Variants in CHID1 observed in about 807,000 individuals in gnomAD.
CHID1 encodes the protein chitinase domain containing 1, also known as chitinase domain-containing protein 1.
CHID1 carries 44 observed loss-of-function variants against 55.4 expected under a neutral mutation model. The ratio of observed to expected loss-of-function variants is 0.79; its 90% CI spans 0.62 to 1.02. CHID1 has a LOEUF of 1.02. Ranked by LOEUF, CHID1 falls within the 50% of genes least tolerant of loss-of-function variation. The probability of loss-of-function intolerance (pLI) is 0.00; values close to 1 mark genes in which losing one functional copy is unlikely to be tolerated. For missense variants in CHID1, 491 were observed against 515.3 expected, an observed-to-expected ratio of 0.95 and a Z score of 0.46; for synonymous variants, 216 against 212.9, an observed-to-expected ratio of 1.01 and a Z score of -0.13.
intron 3 of CHID1, 47 bp from the exon 4 acceptor site, chr11:902,377 C>A: frequency 6.3e-7 from 1 of 1,594,882 alleles, no homozygotes; most frequent in Non-Finnish European, 8.6e-7. Context: ...GAGTGAGCAC[C>A]TGTCTCACCA....
chr11:874,988 G>A (rs1849407258), intron 10 of CHID1: 1 of 152,306 alleles, frequency 6.6e-6, no homozygotes, highest in South Asian at 2.1e-4. Flanking sequence ...GGACCCCTCA[G>A]GAGCCCCCAC....
intron 10 of CHID1, among the ~76,000 whole-genome samples, chr11:881,602 T>C (rs28459291): frequency 0.05 from 24 of 476 alleles, 2 homozygotes; most frequent in African/African-American, 0.12. Flanking sequence ...GGGCGGTAGG[T>C]TGGGTGGTGA....
At chr11:904,909 C>T (rs1229354154) in intron 1 of CHID1, 50 bp from the exon 2 acceptor site, 4 of 1,591,466 alleles carry the variant, frequency 2.5e-6, no homozygotes, top group Non-Finnish European at 3.4e-6. Flanking sequence ...AAATGCAGCA[C>T]ATGGGCAACC....
intron 10 of CHID1, among the ~76,000 whole-genome samples, chr11:874,315 T>G (rs1375508877): frequency 6.6e-6 from 1 of 151,898 alleles, no homozygotes; most frequent in Non-Finnish European, 1.5e-5. Context: ...TACAAAAAAT[T>G]AGCCAGGCAT....
At chr11:873,520 G>A (rs1250576258) in intron 10 of CHID1, among the ~76,000 whole-genome samples, 2 of 152,124 alleles carry the variant, frequency 1.3e-5, no homozygotes, top group Non-Finnish European at 2.9e-5. Flanking sequence ...CCACAGAGAG[G>A]GCAGGGGAAG....
chr11:880,069 C>G lies in CHID1; in HGVS notation c.959+3079G>C, dbSNP rs181605214. Among the ~76,000 whole-genome samples the G allele has an allele frequency of 2.3e-3, 345 of 152,348 alleles. 4 individuals carry two copies. Among genetic ancestry groups the G allele is most frequent in the African/African-American group, 8.0e-3 (332 of 41,584 alleles). On this transcript the variant is annotated intron_variant, in intron 10 of 12. Coordinates refer to ENST00000323578, the MANE Select transcript of CHID1 (RefSeq NM_023947.4). The stretch of plus-strand genomic sequence containing the variant: ...GGGCAGACAGGGCGGCCGGGCCCCT[C>G]ACTCTGCATTGCAGGGACATGAGAG...
chr11:903,044 A>G lies in CHID1; in HGVS notation c.179T>C (p.Val60Ala). 3 of 1,613,850 alleles carry G rather than the reference A, an allele frequency of 1.9e-6. No individual in the cohort carries two copies. Among genetic ancestry groups the G allele is most frequent in the Non-Finnish European group, 2.5e-6 (3 of 1,180,000 alleles). ...LVVTDLKAES[V>A]VLEHRSYCSA... The stretch of plus-strand genomic sequence containing the variant: ...GCAGTAGCTGCGATGCTCAAGAACC[A>G]CACTCTCAGCTTTGAGGTCCGTCAC... Residue 60 changes from valine to alanine, a missense_variant, in exon 3 of 13, where the codon GTG (valine) becomes GCG (alanine). Coordinates refer to ENST00000323578, the MANE Select transcript of CHID1 (RefSeq NM_023947.4).
intron 7 of CHID1, among the ~76,000 whole-genome samples, chr11:897,527 C>A (rs1356421092): frequency 2.0e-5 from 3 of 152,208 alleles, no homozygotes. Context: ...AGCAAGAACC[C>A]CCCAAGGCAG....
intron 8 of CHID1, among the ~76,000 whole-genome samples, chr11:891,349 G>A (rs376416846): frequency 4.6e-5 from 7 of 152,134 alleles, no homozygotes; most frequent in African/African-American, 1.2e-4. Context: ...TAGCCCTGGC[G>A]TGCATCCCAC....
At chr11:911,836 A>G (rs765613444), upstream of CHID1, among the ~76,000 whole-genome samples, 5 of 152,290 alleles carry the variant, frequency 3.3e-5, no homozygotes, top group African/African-American at 4.8e-5. Flanking sequence ...GGTGGCCTGA[A>G]GCCTGACCTT....
chr11:883,841 C>T (rs1850184031), intron 9 of CHID1, among the ~76,000 whole-genome samples: 1 of 152,256 alleles, frequency 6.6e-6, no homozygotes, highest in African/African-American at 2.4e-5. Flanking sequence ...CTGGCCGTGA[C>T]CCAGCTCCAC....
At chr11:905,933 T>C (rs1474007579) in intron 1 of CHID1, among the ~76,000 whole-genome samples, 2 of 152,094 alleles carry the variant, frequency 1.3e-5, no homozygotes, top group African/African-American at 4.8e-5. Context: ...GAAAGAATAT[T>C]TGGAACACAC....
chr11:893,933 C>T (rs1371831976), intron 7 of CHID1, among the ~76,000 whole-genome samples: 1 of 151,618 alleles, frequency 6.6e-6, no homozygotes, highest in Admixed American at 6.6e-5. Flanking sequence ...ATCGGCTTGG[C>T]CAACATGGCG....
chr11:894,443 CGCT>C (rs1337756283), intron 7 of CHID1, among the ~76,000 whole-genome samples: 32 of 152,354 alleles, frequency 2.1e-4, no homozygotes, highest in Middle Eastern at 3.4e-3. Context: ...CGTGTGCACA[CGCT>C]GGTGCCCATG....
intron 10 of CHID1, among the ~76,000 whole-genome samples, chr11:876,992 C>T (rs796846157): frequency 1.6e-4 from 24 of 152,294 alleles, no homozygotes; most frequent in African/African-American, 5.1e-4. Flanking sequence ...TCCTCTGTGC[C>T]ACTCAGGCCC....
Position 870,246 on chromosome 11 carries a change from C to T in CHID1, c.1041-83G>A, listed in dbSNP as rs541029433. The stretch of plus-strand genomic sequence containing the variant: ...TCACAGCCAAGGTCCACGGCCTGTA[C>T]TCCTCCCACCCACCAGGTGGCCACC... On this transcript the variant is annotated intron_variant, in intron 11 of 12. Transcript: ENST00000323578. 8.9e-6 allele frequency: 14 copies of T among 1,570,088 alleles called. No individual in the cohort carries two copies. The East Asian group carries it at 3.2e-4, about 35-fold the overall frequency.
intron 7 of CHID1, 86 bp downstream of exon 7, chr11:899,254 T>C: frequency 7.3e-7 from 1 of 1,361,408 alleles, no homozygotes; most frequent in Non-Finnish European, 1.0e-6. Context: ...AGGAAGGCCC[T>C]CCCCAAACCC....
intron 3 of CHID1, among the ~76,000 whole-genome samples, 153 bp from the exon 4 acceptor site, chr11:902,483 CCTT>C (rs1384418510): frequency 1.3e-5 from 2 of 152,184 alleles, no homozygotes; most frequent in Non-Finnish European, 2.9e-5. Context: ...CCTGGGGTAT[CCTT>C]CTCCTACTCT....
chr11:902,830 A>ACAG (rs1851921074), intron 3 of CHID1, 132 bp downstream of exon 3: 2 of 843,328 alleles, frequency 2.4e-6, no homozygotes, highest in Admixed American at 2.7e-5. Context: ...CCGTAGCCTC[A>ACAG]CAGCAGCAGC....
Sources: allele counts gnomAD v4.1 joint callset (sites outside exome capture counted in the v4.1 genomes callset), GRCh38; gene constraint gnomAD v4.1.1; transcripts MANE v1.5; gene names NCBI Gene and HGNC (gene_info 2026-07-23, HGNC 2026-07-21).